The following LARP1B variants were observed in gnomAD, a reference collection of about 807,000 sequenced individuals.
The protein encoded by LARP1B is La ribonucleoprotein 1B, also known as la-related protein 1B.
A neutral mutation model predicts 114.2 loss-of-function variants in LARP1B; 76 were observed. That is an observed-to-expected ratio of 0.67 (90% CI 0.55 to 0.81). The LOEUF (loss-of-function observed/expected upper bound fraction) is 0.81, where lower values mean the gene tolerates loss of function less well. LARP1B is among the 30% of genes least tolerant of loss of function. The pLI, the probability that LARP1B is intolerant of heterozygous loss-of-function variation, is 0.00. For missense variants in LARP1B, 1,014 were observed against 1,075.8 expected (o/e 0.94, Z 0.80); for synonymous variants, 345 against 348.0 (o/e 0.99, Z 0.10).
chr4:128,138,358 A>G (rs1726374286), intron 11 of LARP1B, among the ~76,000 whole-genome samples: 1 of 152,362 alleles, frequency 6.6e-6, no homozygotes, highest in East Asian at 1.9e-4. Context: ...AGAAAAGTAT[A>G]TAACTTCAAA....
intron 11 of LARP1B, among the ~76,000 whole-genome samples, chr4:128,136,179 GCTA>G (rs570961497): frequency 4.1e-4 from 63 of 152,094 alleles, no homozygotes; most frequent in South Asian, 1.9e-3. Context: ...TGTAATCCCA[GCTA>G]CTTGGGAGGC....
intron 15 of LARP1B, among the ~76,000 whole-genome samples, chr4:128,198,129 C>T (rs1754867511): frequency 6.6e-6 from 1 of 152,094 alleles, no homozygotes; most frequent in South Asian, 2.1e-4. Flanking sequence ...AGGTGATCCG[C>T]CAACCTCGGC....
intron 1 of LARP1B, chr4:128,069,156 T>A: frequency 1.8e-6 from 2 of 1,113,164 alleles, no homozygotes; most frequent in Non-Finnish European, 2.7e-6. Flanking sequence ...CATCTTCCTA[T>A]GCTTGTGGAC....
chr4:128,107,959 G>A (rs141986787), intron 9 of LARP1B: 19,312 of 1,532,886 alleles, frequency 0.013, 156 homozygotes, highest in Non-Finnish European at 0.015. Context: ...TCACTGAAAT[G>A]CCTTTATAAA....
intron 15 of LARP1B, among the ~76,000 whole-genome samples, chr4:128,184,946 A>G (rs75728161): frequency 0.02 from 3,018 of 152,258 alleles, 43 homozygotes; most frequent in Middle Eastern, 0.065. Flanking sequence ...TCCATTGTGT[A>G]TGTGTGTATG....
chr4:128,187,353 C>T (rs1050614445), intron 15 of LARP1B, among the ~76,000 whole-genome samples: 5 of 152,254 alleles, frequency 3.3e-5, no homozygotes, highest in Non-Finnish European at 5.9e-5. Context: ...CCCCTTGCAC[C>T]AGCATACCCT....
chr4:128,075,063 A>G (rs977769992), intron 3 of LARP1B, 70 bp downstream of exon 3: 11 of 1,032,216 alleles, frequency 1.1e-5, no homozygotes, highest in Non-Finnish European at 1.6e-5. Context: ...GCAGAATTTT[A>G]TTTTACTTAA....
At chr4:128,103,958 TTAAA>T (rs1379873462) in intron 8 of LARP1B, among the ~76,000 whole-genome samples, 3 of 152,026 alleles carry the variant, frequency 2.0e-5, no homozygotes, top group African/African-American at 7.2e-5. Flanking sequence ...AAGTTTTTCT[TTAAA>T]TATTTTCTTT....
At chr4:128,074,675 CTATA>C in intron 2 of LARP1B, among the ~76,000 whole-genome samples, 157 bp downstream of exon 2, 1 of 152,254 alleles carries the variant, frequency 6.6e-6, no homozygotes, top group East Asian at 1.9e-4. Context: ...ATCCAAATCT[CTATA>C]TATGCCTTTG....
chr4:128,062,049 G>A (rs1282428606), intron 1 of LARP1B: 18 of 985,198 alleles, frequency 1.8e-5, no homozygotes, highest in Non-Finnish European at 2.0e-5. Flanking sequence ...CCGTTGCTGC[G>A]GGATCCGCCG....
intron 10 of LARP1B, among the ~76,000 whole-genome samples, chr4:128,116,553 T>C (rs1785890798): frequency 6.6e-6 from 1 of 152,144 alleles, no homozygotes; most frequent in Admixed American, 6.5e-5. Context: ...TGGTAGCTGG[T>C]TTTAAAAGTA....
intron 11 of LARP1B, among the ~76,000 whole-genome samples, chr4:128,124,710 A>G (rs951095004): frequency 3.3e-5 from 5 of 152,196 alleles, no homozygotes; most frequent in Non-Finnish European, 5.9e-5. Flanking sequence ...CTGTCCATAT[A>G]GAAGATGAAT....
At chr4:128,203,311 TTCCCTCTC>T (rs1756560747) in intron 17 of LARP1B, among the ~76,000 whole-genome samples, 2 of 151,698 alleles carry the variant, frequency 1.3e-5, no homozygotes, top group East Asian at 1.9e-4. Flanking sequence ...TGACAAATGA[TTCCCTCTC>T]TCCCTCCCTC....
intron 9 of LARP1B, chr4:128,108,142 C>T: frequency 7.7e-7 from 1 of 1,294,626 alleles, no homozygotes; most frequent in Non-Finnish European, 9.8e-7. Context: ...TAGGAGCTGC[C>T]TATTTCTGTG....
chr4:128,209,254 A>G (rs1758434248), intron 19 of LARP1B, among the ~76,000 whole-genome samples: 2 of 152,156 alleles, frequency 1.3e-5, no homozygotes, highest in East Asian at 1.9e-4. Context: ...CCCCGTCTCT[A>G]CTAAAAATAC....
chr4:128,079,333 G>A (rs1422093911), intron 4 of LARP1B, among the ~76,000 whole-genome samples: 8 of 152,068 alleles, frequency 5.3e-5, no homozygotes, highest in African/African-American at 7.2e-5. Context: ...GAGCTCAGGC[G>A]ATCCACCTGC....
At chr4:128,117,581 A>G (rs764345300) in intron 10 of LARP1B, among the ~76,000 whole-genome samples, 15 of 151,662 alleles carry the variant, frequency 9.9e-5, no homozygotes, top group Non-Finnish European at 1.8e-4. Flanking sequence ...ACGGGGTTTC[A>G]CCATGTTGGC....
chr4:128,091,259 T>G, intron 6 of LARP1B, 88 bp from the exon 7 acceptor site: 1 of 1,512,212 alleles, frequency 6.6e-7, no homozygotes, highest in Non-Finnish European at 9.0e-7. Context: ...GTTTTATGTT[T>G]GTTAACCTTT....
chr4:128,184,823 G>GT (rs1484711241), intron 15 of LARP1B, among the ~76,000 whole-genome samples: 3 of 152,006 alleles, frequency 2.0e-5, no homozygotes, highest in Non-Finnish European at 4.4e-5. Flanking sequence ...CCACTTATTA[G>GT]TGAGAACATG....
Sources: gnomAD v4.1 joint callset for allele counts (sites outside exome capture counted in the v4.1 genomes callset) on GRCh38, gnomAD v4.1.1 for gene constraint, MANE v1.5 for transcripts, NCBI Gene and HGNC (gene_info 2026-07-23, HGNC 2026-07-21) for gene names.